SEMA3A: variants seen among roughly 807,000 people sequenced by gnomAD.
The protein encoded by SEMA3A is semaphorin-3A.
In SEMA3A, 29 loss-of-function variants were observed where a neutral mutation model predicts 97.9. The ratio of observed to expected loss-of-function variants is 0.30; its 90% CI spans 0.22 to 0.40. The LOEUF is 0.40. Ranked by LOEUF, SEMA3A falls within the 10% of genes least tolerant of loss-of-function variation. SEMA3A has a pLI of 1.00. For synonymous variants in SEMA3A, 321 were observed against 323.7 expected, an observed-to-expected ratio of 0.99 and a Z score of 0.09; for missense variants, 763 against 951.3, an observed-to-expected ratio of 0.80 and a Z score of 2.60.
chr7:84,099,312 C>T (rs1353497859), intron 4 of SEMA3A, among the ~76,000 whole-genome samples: 3 of 55,276 alleles, frequency 5.4e-5, no homozygotes, highest in African/African-American at 1.1e-4. Context: ...CCTCGTGATC[C>T]GCCCGCCTCG....
intron 3 of SEMA3A, among the ~76,000 whole-genome samples, chr7:84,262,204 GGTTTTTT>G (rs1027216110): frequency 8.4e-4 from 128 of 151,884 alleles, no homozygotes; most frequent in Admixed American, 1.2e-3. Context: ...CTATTTTCAA[GGTTTTTT>G]GTTTTTTGTT....
chr7:84,069,063 A>C (rs560991735), intron 4 of SEMA3A, among the ~76,000 whole-genome samples: 1 of 152,248 alleles, frequency 6.6e-6, no homozygotes, highest in African/African-American at 2.4e-5. Flanking sequence ...GAATAAATTG[A>C]ATTTCCTTTC....
intron 1 of SEMA3A, among the ~76,000 whole-genome samples, chr7:84,180,550 C>T (rs1468648688): frequency 6.6e-5 from 10 of 151,540 alleles, no homozygotes; most frequent in Admixed American, 1.3e-4. Flanking sequence ...TAGCTGGGTG[C>T]GGTGGCACAC....
At chr7:84,033,431 C>T (rs1791828734) in intron 6 of SEMA3A, among the ~76,000 whole-genome samples, 1 of 152,058 alleles carries the variant, frequency 6.6e-6, no homozygotes, top group Admixed American at 6.6e-5. Context: ...CTTGAAAATC[C>T]AACATAGCTG....
chr7:84,443,880 C>CTTTTTTTTT (rs71078831), intron 1 of SEMA3A, among the ~76,000 whole-genome samples: 11 of 92,426 alleles, frequency 1.2e-4, no homozygotes, highest in Non-Finnish European at 1.9e-4. Flanking sequence ...GTGCTTTGTC[C>CTTTTTTTTT]TTTTTTTTTT....
chr7:84,129,109 AG>A lies in SEMA3A; in HGVS notation c.333+13del. 6.3e-7 allele frequency: 1 copy of A among 1,585,572 alleles called. No homozygotes were observed. The highest frequency in any genetic ancestry group is 1.1e-5 in the South Asian group (1 of 90,458). ...TACTCAACCTGTATAATAATTTAGT[AG>A]GTTAATGCTTACCAGGATGTCTTTT... On this transcript the variant is annotated intron_variant, in intron 3 of 16. Transcript: ENST00000265362.
chr7:84,063,540 A>G (rs1793345135), intron 4 of SEMA3A, among the ~76,000 whole-genome samples: 1 of 150,154 alleles, frequency 6.7e-6, no homozygotes, highest in Non-Finnish European at 1.5e-5. Flanking sequence ...AGAAGAATGT[A>G]TAACTAGAAT....
At chr7:84,159,235 C>T (rs1796949940) in intron 1 of SEMA3A, among the ~76,000 whole-genome samples, 1 of 152,034 alleles carries the variant, frequency 6.6e-6, no homozygotes, top group Non-Finnish European at 1.5e-5. Flanking sequence ...TTACCAAGGT[C>T]TTAAAGGTAA....
chr7:83,991,160 C>A (rs1256941807), intron 12 of SEMA3A, among the ~76,000 whole-genome samples: 1 of 151,080 alleles, frequency 6.6e-6, no homozygotes, highest in Non-Finnish European at 1.5e-5. Flanking sequence ...GATTTTTGTA[C>A]ATTGATTTTG....
intron 3 of SEMA3A, among the ~76,000 whole-genome samples, chr7:84,266,362 A>T (rs1800002876): frequency 6.6e-6 from 1 of 151,386 alleles, no homozygotes; most frequent in Non-Finnish European, 1.5e-5. Flanking sequence ...ATTGTATCAC[A>T]GTAGCAGAAT....
intron 1 of SEMA3A, among the ~76,000 whole-genome samples, chr7:84,176,696 T>A (rs999074780): frequency 6.6e-6 from 1 of 152,168 alleles, no homozygotes; most frequent in African/African-American, 2.4e-5. Context: ...AGGGAGCAAT[T>A]CCTGTCATTC....
At chr7:84,238,440 C>T (rs530324387) in intron 3 of SEMA3A, among the ~76,000 whole-genome samples, 135 of 152,218 alleles carry the variant, frequency 8.9e-4, no homozygotes, top group African/African-American at 3.2e-3. Context: ...GAAGTCTACA[C>T]CACTTAATTT....
chr7:84,194,881 A>C, upstream of SEMA3A: 1 of 256,356 alleles, frequency 3.9e-6, no homozygotes, highest in Non-Finnish European at 7.3e-6. Context: ...AAAATTAACA[A>C]GGTCTGCTGC....
chr7:84,041,849 G>T (rs918861009), intron 6 of SEMA3A, among the ~76,000 whole-genome samples: 2 of 152,108 alleles, frequency 1.3e-5, no homozygotes, highest in East Asian at 1.9e-4. Flanking sequence ...TTAAGCCAAA[G>T]AAATAATCAA....
chr7:84,009,416 A>G (rs1009097589), intron 9 of SEMA3A, among the ~76,000 whole-genome samples: 2 of 152,202 alleles, frequency 1.3e-5, no homozygotes, highest in Non-Finnish European at 2.9e-5. Flanking sequence ...ATGTGATTTT[A>G]AAAAATTATT....
intron 3 of SEMA3A, among the ~76,000 whole-genome samples, chr7:84,215,472 G>A (rs570316812): frequency 2.0e-5 from 3 of 152,200 alleles, no homozygotes; most frequent in African/African-American, 7.2e-5. Flanking sequence ...TTATAGGCGT[G>A]AGCCTCTGCA....
chr7:84,293,281 G>T (rs1446403808), intron 3 of SEMA3A, among the ~76,000 whole-genome samples: 1 of 152,054 alleles, frequency 6.6e-6, no homozygotes, highest in Non-Finnish European at 1.5e-5. Flanking sequence ...TTCAGAGCCA[G>T]TTAGGAACAC....
chr7:84,340,839 A>T (rs28604431), intron 2 of SEMA3A, among the ~76,000 whole-genome samples: 29,571 of 151,372 alleles, frequency 0.2, 3,134 homozygotes, highest in South Asian at 0.35. Flanking sequence ...CAAAGTATAC[A>T]TATATACCTT....
Position 83,956,764 on chromosome 7 carries a change from CTT to C in SEMA3A, c.*4605_*4606del, listed in dbSNP as rs375655913. On this transcript the variant is annotated 3_prime_UTR_variant, in exon 17 of 17. Coordinates refer to ENST00000265362, the MANE Select transcript of SEMA3A (RefSeq NM_006080.3). ...TGAATGCTTGTTCTCAGAAAAAGGACTTTTTTTCACACCTCTCCTCCTTTCTC... is the reference window on the plus strand; with the variant it reads ...TGAATGCTTGTTCTCAGAAAAAGGACTTTTTCACACCTCTCCTCCTTTCTC... 6.6e-6 allele frequency: 1 copy of C among 152,056 alleles called. No individual in the cohort carries two copies. The highest frequency in any genetic ancestry group is 1.5e-5 in the Non-Finnish European group (1 of 67,990). 9.4% of individuals were successfully genotyped at this position (152,056 alleles called of 1,614,324 possible).
Sources: gnomAD v4.1 joint callset for allele counts (sites outside exome capture counted in the v4.1 genomes callset) on GRCh38, gnomAD v4.1.1 for gene constraint, MANE v1.5 for transcripts, NCBI Gene and HGNC (gene_info 2026-07-23, HGNC 2026-07-21) for gene names.